ROR1: variants seen among roughly 807,000 people sequenced by gnomAD.
ROR1 encodes the protein inactive tyrosine-protein kinase transmembrane receptor ROR1.
Under a neutral mutation model 78.8 loss-of-function variants are expected in ROR1, and 19 were observed. That is an observed-to-expected ratio of 0.24 (90% CI 0.17 to 0.35). The LOEUF is 0.35. ROR1 is among the 10% of genes least tolerant of loss of function. ROR1 has a pLI of 1.00. For missense variants in ROR1, 917 were observed against 1,177.8 expected (o/e 0.78, Z 3.24); for synonymous variants, 386 against 433.6 (o/e 0.89, Z 1.36).
chr1:63,943,811 T>C (rs1232243976), intron 1 of ROR1, among the ~76,000 whole-genome samples: 1 of 152,216 alleles, frequency 6.6e-6, no homozygotes, highest in East Asian at 1.9e-4. Flanking sequence ...GTATTTGTTA[T>C]AGAAAAGTTA....
Position 64,033,691 on chromosome 1 carries a change from C to T in ROR1, c.164-16000C>T, listed in dbSNP as rs181663503. ...CCTTATATAGAACTTCACTGTGCAC[C>T]AGGTACTGTTCTAAGTACCTTAAGA... On this transcript the variant is annotated intron_variant, in intron 2 of 8. Transcript: ENST00000371079. 1.4e-4 allele frequency among the ~76,000 whole-genome samples: 21 copies of T among 152,264 alleles called. No individual in the cohort carries two copies. In the East Asian group the frequency reaches 3.9e-3, roughly 28 times the overall value.
At chr1:63,914,609 A>G (rs1464537255) in intron 1 of ROR1, among the ~76,000 whole-genome samples, 2 of 152,146 alleles carry the variant, frequency 1.3e-5, no homozygotes, top group Non-Finnish European at 2.9e-5. Flanking sequence ...CTAAAGTCTG[A>G]TCCCAATTTA....
At chr1:64,030,969 T>C (rs1172758749) in intron 2 of ROR1, among the ~76,000 whole-genome samples, 1 of 152,128 alleles carries the variant, frequency 6.6e-6, no homozygotes, top group Non-Finnish European at 1.5e-5. Context: ...CTCAATTTCC[T>C]GGCCTCAATC....
intron 1 of ROR1, among the ~76,000 whole-genome samples, chr1:63,936,492 C>A (rs1328531664): frequency 6.6e-6 from 1 of 152,062 alleles, no homozygotes; most frequent in Non-Finnish European, 1.5e-5. Context: ...GCTAACCTTC[C>A]AGCATTTAAG....
chr1:63,839,119 G>A (rs1216821230), intron 1 of ROR1, among the ~76,000 whole-genome samples: 3 of 152,214 alleles, frequency 2.0e-5, no homozygotes, highest in Admixed American at 2.0e-4. Flanking sequence ...GTGACGCATG[G>A]CTGTAATTCA....
chr1:63,950,065 C>T (rs1645922875), intron 1 of ROR1, among the ~76,000 whole-genome samples: 1 of 152,118 alleles, frequency 6.6e-6, no homozygotes, highest in African/African-American at 2.4e-5. Flanking sequence ...TTGTTAAACA[C>T]AGGGAATGTC....
At chr1:63,934,267 G>T (rs1432101659) in intron 1 of ROR1, among the ~76,000 whole-genome samples, 1 of 152,116 alleles carries the variant, frequency 6.6e-6, no homozygotes, top group Non-Finnish European at 1.5e-5. Flanking sequence ...CTCTGAGCTA[G>T]ACCCCCCTGG....
intron 1 of ROR1, among the ~76,000 whole-genome samples, chr1:63,952,546 G>A (rs1569964936): frequency 6.6e-6 from 1 of 152,154 alleles, no homozygotes; most frequent in African/African-American, 2.4e-5. Flanking sequence ...CAGGCATGGA[G>A]CTAGGAAAGG....
intron 1 of ROR1, among the ~76,000 whole-genome samples, chr1:63,985,539 T>C (rs565141067): frequency 6.6e-6 from 1 of 152,174 alleles, no homozygotes; most frequent in South Asian, 2.1e-4. Flanking sequence ...CCTGACCTCA[T>C]GTGATGGGTT....
At chr1:63,800,258 T>G (rs1644787648) in intron 1 of ROR1, among the ~76,000 whole-genome samples, 8 of 152,218 alleles carry the variant, frequency 5.3e-5, no homozygotes, top group Admixed American at 4.6e-4. Flanking sequence ...TGTCAACCCC[T>G]TTAAGGTGAT....
intron 1 of ROR1, among the ~76,000 whole-genome samples, chr1:63,950,957 C>T (rs1645930245): frequency 1.3e-5 from 2 of 152,180 alleles, no homozygotes; most frequent in South Asian, 4.1e-4. Flanking sequence ...AACCAAAAAC[C>T]TTCATCGAAC....
chr1:63,923,001 C>A (rs1263140917), intron 1 of ROR1, among the ~76,000 whole-genome samples: 1 of 152,146 alleles, frequency 6.6e-6, no homozygotes, highest in Non-Finnish European at 1.5e-5. Flanking sequence ...ATAATGAAAA[C>A]AACTGCCAGC....
intron 2 of ROR1, among the ~76,000 whole-genome samples, chr1:64,035,939 C>A (rs1388226538): frequency 6.6e-6 from 1 of 152,102 alleles, no homozygotes; most frequent in Non-Finnish European, 1.5e-5. Flanking sequence ...GTTCCTGTTG[C>A]ATGTAATCAA....
chr1:63,871,189 G>A (rs1215085716), intron 1 of ROR1, among the ~76,000 whole-genome samples: 1 of 152,154 alleles, frequency 6.6e-6, no homozygotes, highest in Non-Finnish European at 1.5e-5. Flanking sequence ...TAGTAGTGGA[G>A]TCTGTGAGCT....
At chr1:63,956,158 A>G (rs976931393) in intron 1 of ROR1, among the ~76,000 whole-genome samples, 5 of 152,148 alleles carry the variant, frequency 3.3e-5, no homozygotes, top group Non-Finnish European at 7.3e-5. Flanking sequence ...GATGTTAGGA[A>G]AAGGAACTGT....
intron 2 of ROR1, among the ~76,000 whole-genome samples, chr1:64,023,669 T>C (rs540684693): frequency 6.6e-6 from 1 of 152,342 alleles, no homozygotes; most frequent in South Asian, 2.1e-4. Flanking sequence ...TTAATGCATA[T>C]ATTTTTACAG....
intron 4 of ROR1, among the ~76,000 whole-genome samples, chr1:64,096,107 T>C (rs1321484856): frequency 2.0e-5 from 3 of 152,188 alleles, no homozygotes; most frequent in Non-Finnish European, 4.4e-5. Context: ...TTCTTAAAGA[T>C]AAAATCCCTT....
intron 1 of ROR1, among the ~76,000 whole-genome samples, chr1:63,834,415 T>A (rs1645007770): frequency 6.8e-6 from 1 of 147,670 alleles, no homozygotes; most frequent in Non-Finnish European, 1.5e-5. Flanking sequence ...AAACAGAAGA[T>A]GTTCAAACAT....
At chr1:64,049,458 G>C (rs141347628) in intron 2 of ROR1, among the ~76,000 whole-genome samples, 60 of 152,128 alleles carry the variant, frequency 3.9e-4, no homozygotes, top group African/African-American at 1.4e-3. Context: ...GGAGACTTTG[G>C]GTTCTATACT....
Sources: gnomAD v4.1 joint callset for allele counts (sites outside exome capture counted in the v4.1 genomes callset) on GRCh38, gnomAD v4.1.1 for gene constraint, MANE v1.5 for transcripts, NCBI Gene and HGNC (gene_info 2026-07-23, HGNC 2026-07-21) for gene names.